Variants in TSHZ2 observed in about 807,000 individuals in gnomAD.
The protein encoded by TSHZ2 is teashirt homolog 2.
A neutral mutation model predicts 74.4 loss-of-function variants in TSHZ2; 21 were observed. That is an observed-to-expected ratio of 0.28 (90% CI 0.20 to 0.41). The LOEUF is 0.41. Among genes scored for constraint, TSHZ2 ranks in the 10% least tolerant of loss-of-function variants. The pLI is 1.00. For missense variants in TSHZ2, 1,244 were observed against 1,293.5 expected, an observed-to-expected ratio of 0.96 and a Z score of 0.59; for synonymous variants, 540 against 515.3, an observed-to-expected ratio of 1.05 and a Z score of -0.65.
chr20:52,997,481 AT>A (rs1277666374), intron 1 of TSHZ2, among the ~76,000 whole-genome samples: 2 of 151,996 alleles, frequency 1.3e-5, no homozygotes, highest in African/African-American at 4.8e-5. Context: ...GTAAGATTTC[AT>A]TTCAATCCCA....
intron 1 of TSHZ2, among the ~76,000 whole-genome samples, chr20:53,065,687 G>A (rs186599419): frequency 6.6e-6 from 1 of 152,312 alleles, no homozygotes; most frequent in Admixed American, 6.5e-5. Context: ...GGAATACACA[G>A]GACCCTACCT....
At chr20:53,052,217 C>T (rs888007894) in intron 1 of TSHZ2, among the ~76,000 whole-genome samples, 6 of 152,116 alleles carry the variant, frequency 3.9e-5, no homozygotes, top group South Asian at 4.2e-4. Flanking sequence ...ACCTCATGTA[C>T]GTAGAATCAC....
intron 1 of TSHZ2, among the ~76,000 whole-genome samples, chr20:53,054,576 CAG>C (rs1207931298): frequency 6.6e-6 from 1 of 152,166 alleles, no homozygotes; most frequent in East Asian, 1.9e-4. Context: ...CACATGCCCA[CAG>C]AGTCCAGGCA....
intron 2 of TSHZ2, 46 bp from the exon 3 acceptor site, chr20:53,487,098 C>A (rs1173640768): frequency 6.5e-6 from 1 of 152,854 alleles, no homozygotes; most frequent in Non-Finnish European, 1.5e-5. Context: ...CTGGGCTACA[C>A]CTCAGAAAAT....
intron 1 of TSHZ2, among the ~76,000 whole-genome samples, chr20:53,205,463 AAC>A (rs1335997956): frequency 6.6e-6 from 1 of 152,216 alleles, no homozygotes; most frequent in Admixed American, 6.5e-5. Flanking sequence ...TGTGACTTGA[AAC>A]ACATTTGATA....
intron 2 of TSHZ2, among the ~76,000 whole-genome samples, chr20:53,260,861 A>G (rs1647550009): frequency 6.6e-6 from 1 of 152,246 alleles, no homozygotes; most frequent in African/African-American, 2.4e-5. Context: ...GAGAACTTGC[A>G]GCAACTTCTC....
At chr20:53,053,297 TG>T in intron 1 of TSHZ2, among the ~76,000 whole-genome samples, 1 of 152,366 alleles carries the variant, frequency 6.6e-6, no homozygotes, top group South Asian at 2.1e-4. Context: ...GTTCATTTGT[TG>T]ATGGACATTT....
Position 53,491,418 on chromosome 20 carries a change from C to G in TSHZ2, c.*4283C>G, listed in dbSNP as rs1284983868. On this transcript the variant is annotated 3_prime_UTR_variant, in exon 3 of 3. Coordinates refer to ENST00000371497, the MANE Select transcript of TSHZ2 (RefSeq NM_173485.6). ...GAAAGAGATACAAATTTCCATCCCC[C>G]CAGACAGAGAGACATATTTCCATTG... 2 of 152,156 alleles carry G rather than the reference C, an allele frequency of 1.3e-5. No homozygotes were observed. The highest frequency in any genetic ancestry group is 2.9e-5 in the Non-Finnish European group (2 of 68,042). 9.4% of individuals were successfully genotyped at this position (152,156 alleles called of 1,614,324 possible).
intron 1 of TSHZ2, among the ~76,000 whole-genome samples, chr20:52,989,210 G>A (rs960288174): frequency 1.7e-4 from 25 of 143,194 alleles, no homozygotes; most frequent in African/African-American, 6.6e-4. Flanking sequence ...TATTGGTGAT[G>A]TTTTTTTTTA....
chr20:53,235,450 G>A (rs184895106), intron 1 of TSHZ2, among the ~76,000 whole-genome samples: 9 of 152,254 alleles, frequency 5.9e-5, no homozygotes, highest in Admixed American at 4.6e-4. Flanking sequence ...GATTACAGGT[G>A]CGAGCCACCA....
chr20:53,030,285 T>G (rs1237192081), intron 1 of TSHZ2, among the ~76,000 whole-genome samples: 1 of 151,726 alleles, frequency 6.6e-6, no homozygotes, highest in South Asian at 2.1e-4. Context: ...AAGATGTGTA[T>G]GTGGTAAATT....
intron 2 of TSHZ2, among the ~76,000 whole-genome samples, chr20:53,449,816 T>C (rs1480591579): frequency 2.6e-5 from 4 of 152,250 alleles, no homozygotes; most frequent in Non-Finnish European, 5.9e-5. Context: ...CCCAATGCTA[T>C]TATTTATGTA....
chr20:53,420,848 AC>A (rs1403921743), intron 2 of TSHZ2, among the ~76,000 whole-genome samples: 1 of 152,208 alleles, frequency 6.6e-6, no homozygotes, highest in African/African-American at 2.4e-5. Context: ...AGTTTGTGTT[AC>A]CCATTAGCAT....
chr20:53,440,805 G>A (rs1416067993), intron 2 of TSHZ2, among the ~76,000 whole-genome samples: 1 of 152,116 alleles, frequency 6.6e-6, no homozygotes, highest in Non-Finnish European at 1.5e-5. Flanking sequence ...CTCAAGAGCT[G>A]CACAAAAACA....
At chr20:53,207,619 G>T (rs536231212) in intron 1 of TSHZ2, among the ~76,000 whole-genome samples, 111 of 152,128 alleles carry the variant, frequency 7.3e-4, no homozygotes, top group African/African-American at 2.5e-3. Flanking sequence ...TTATAACTTA[G>T]ACTCTGAAAA....
chr20:53,342,383 C>G (rs563147296), intron 2 of TSHZ2, among the ~76,000 whole-genome samples: 1 of 149,068 alleles, frequency 6.7e-6, no homozygotes, highest in Non-Finnish European at 1.5e-5. Context: ...ATTTAATCCT[C>G]ATATAAACCT....
At chr20:53,448,119 T>A (rs536491287) in intron 2 of TSHZ2, among the ~76,000 whole-genome samples, 305 of 152,254 alleles carry the variant, frequency 2.0e-3, no homozygotes, top group Non-Finnish European at 2.9e-3. Flanking sequence ...TTCACCGTGT[T>A]AGCCAGGATG....
At chr20:53,418,796 A>G (rs530430781) in intron 2 of TSHZ2, among the ~76,000 whole-genome samples, 1 of 151,866 alleles carries the variant, frequency 6.6e-6, no homozygotes, top group East Asian at 1.9e-4. Flanking sequence ...AACCTGAAGT[A>G]CTCTCCTCCC....
chr20:53,213,386 C>T (rs1446805380), intron 1 of TSHZ2, among the ~76,000 whole-genome samples: 1 of 152,166 alleles, frequency 6.6e-6, no homozygotes, highest in Non-Finnish European at 1.5e-5. Flanking sequence ...TGCTGCTGCA[C>T]CTGGATGCTT....
Sources: gnomAD v4.1 joint callset for allele counts (sites outside exome capture counted in the v4.1 genomes callset) on GRCh38, gnomAD v4.1.1 for gene constraint, MANE v1.5 for transcripts, NCBI Gene and HGNC (gene_info 2026-07-23, HGNC 2026-07-21) for gene names.